The following CRACD variants were observed in gnomAD, a reference collection of about 807,000 sequenced individuals.
CRACD encodes capping protein-inhibiting regulator of actin dynamics.
A neutral mutation model predicts 106.8 loss-of-function variants in CRACD; 56 were observed. The observed-to-expected ratio is 0.52, with a 90% confidence interval of 0.42 to 0.66. CRACD has a LOEUF of 0.66. Among genes scored for constraint, CRACD ranks in the 30% least tolerant of loss-of-function variants. CRACD has a pLI of 0.00. For synonymous variants in CRACD, 754 were observed against 670.8 expected (o/e 1.12, Z -1.92); for missense variants, 1,730 against 1,623.2 (o/e 1.07, Z -1.13).
At chr4:56,203,359 T>C (rs1737971434) in intron 2 of CRACD, among the ~76,000 whole-genome samples, 1 of 152,180 alleles carries the variant, frequency 6.6e-6, no homozygotes, top group Non-Finnish European at 1.5e-5. Flanking sequence ...CACAATATAC[T>C]CATACTTGTA....
intron 2 of CRACD, among the ~76,000 whole-genome samples, chr4:56,183,910 C>T (rs1003239242): frequency 1.3e-5 from 2 of 152,090 alleles, no homozygotes; most frequent in African/African-American, 4.8e-5. Context: ...TTTCAAGGTC[C>T]TTTTTTTAAC....
intron 3 of CRACD, among the ~76,000 whole-genome samples, chr4:56,281,838 C>G (rs1183552514): frequency 6.6e-6 from 1 of 152,160 alleles, no homozygotes; most frequent in Non-Finnish European, 1.5e-5. Flanking sequence ...ACTGAGCTTA[C>G]AGACCGGAGT....
chr4:56,236,559 G>T (rs914543708), intron 2 of CRACD, among the ~76,000 whole-genome samples: 1 of 152,130 alleles, frequency 6.6e-6, no homozygotes, highest in African/African-American at 2.4e-5. Flanking sequence ...ACTCACACAG[G>T]TGGGCCACTG....
intron 3 of CRACD, among the ~76,000 whole-genome samples, chr4:56,285,077 A>G (rs1211808799): frequency 6.6e-6 from 1 of 152,180 alleles, no homozygotes; most frequent in Non-Finnish European, 1.5e-5. Context: ...GGAAGGTGAA[A>G]GGGAAGCAAG....
intron 1 of CRACD, among the ~76,000 whole-genome samples, chr4:56,156,994 C>T (rs1560466582): frequency 6.6e-6 from 1 of 152,018 alleles, no homozygotes; most frequent in Non-Finnish European, 1.5e-5. Flanking sequence ...AAATAATGGG[C>T]ACTTAATAAA....
intron 3 of CRACD, among the ~76,000 whole-genome samples, chr4:56,297,080 C>T (rs947867484): frequency 1.1e-4 from 16 of 152,032 alleles, no homozygotes; most frequent in African/African-American, 1.9e-4. Flanking sequence ...CCATCATGCC[C>T]GGCTAATTTT....
intron 2 of CRACD, among the ~76,000 whole-genome samples, chr4:56,235,219 A>T (rs551256857): frequency 1.2e-4 from 19 of 152,370 alleles, no homozygotes; most frequent in Admixed American, 4.6e-4. Flanking sequence ...ATAAAGCAAT[A>T]TATCTTGGGG....
chr4:56,161,125 A>G (rs73152959), intron 1 of CRACD, among the ~76,000 whole-genome samples: 267 of 152,348 alleles, frequency 1.8e-3, no homozygotes, highest in African/African-American at 6.1e-3. Flanking sequence ...ATTCTTGGTA[A>G]TGGTAATAAC....
At chr4:56,319,536 C>T (rs970301040) in intron 8 of CRACD, among the ~76,000 whole-genome samples, 3 of 151,030 alleles carry the variant, frequency 2.0e-5, no homozygotes, top group East Asian at 2.0e-4. Flanking sequence ...CCTAGTAGGT[C>T]GAGGCTACAG....
chr4:56,285,525 A>C (rs1002796460), intron 3 of CRACD, among the ~76,000 whole-genome samples: 2 of 152,020 alleles, frequency 1.3e-5, no homozygotes, highest in Non-Finnish European at 2.9e-5. Flanking sequence ...CTGCAGCCTC[A>C]AACTCCTGAA....
intron 4 of CRACD, among the ~76,000 whole-genome samples, chr4:56,304,361 A>T (rs1744554079): frequency 7.3e-6 from 1 of 137,796 alleles, no homozygotes. Context: ...GTTTGTAGAT[A>T]TAATAGTCAT....
intron 1 of CRACD, 52 bp from the exon 2 acceptor site, chr4:56,179,232 A>G (rs1316973116): frequency 1.3e-5 from 2 of 152,020 alleles, no homozygotes; most frequent in Non-Finnish European, 2.9e-5. Context: ...AAGGCTCCCC[A>G]AGAGAGGATT....
chr4:56,314,911 A>C lies in CRACD; in HGVS notation c.1409A>C (p.Asp470Ala). ...AGAGAGCAGCAGGGAAGGAGCGGGG[A>C]TTTCCAGGGGGCCGATCGTCCTGGG... ...RRREQQGRSG[D>A]FQGADRPGPE... The change falls in exon 8 of 11, where the codon GAT becomes GCT. Residue 470 changes from aspartate (D) to alanine (A), a missense_variant. Asp to Ala is a moderately radical substitution (Grantham distance 126, BLOSUM62 -2). Transcript: ENST00000682029. The surrounding 1 kb of genome is among the most constrained non-coding windows in gnomAD (Gnocchi z 4.4). 1 of 1,607,780 alleles carries C rather than the reference A, an allele frequency of 6.2e-7. No individual in the cohort carries two copies. Among genetic ancestry groups the C allele is most frequent in the Non-Finnish European group, 8.5e-7 (1 of 1,178,052 alleles).
intron 2 of CRACD, among the ~76,000 whole-genome samples, chr4:56,248,522 CTTAT>C (rs1352524171): frequency 2.0e-5 from 3 of 151,320 alleles, no homozygotes; most frequent in East Asian, 1.9e-4. Flanking sequence ...TGCACATTTT[CTTAT>C]TTATTTATGA....
intron 1 of CRACD, among the ~76,000 whole-genome samples, chr4:56,071,367 ATTC>A (rs1245961603): frequency 6.6e-6 from 1 of 152,140 alleles, no homozygotes; most frequent in Non-Finnish European, 1.5e-5. Flanking sequence ...ATGGATGATT[ATTC>A]TTCTTGTTTT....
chr4:56,077,251 C>G (rs572469582), intron 1 of CRACD, among the ~76,000 whole-genome samples: 1 of 152,280 alleles, frequency 6.6e-6, no homozygotes, highest in East Asian at 1.9e-4. Context: ...AGAATTAATG[C>G]CAGCAGGGGA....
intron 1 of CRACD, among the ~76,000 whole-genome samples, chr4:56,128,244 AT>A (rs771957241): frequency 6.6e-6 from 1 of 152,180 alleles, no homozygotes; most frequent in African/African-American, 2.4e-5. Flanking sequence ...AACTGCCTAG[AT>A]GGAGAGAGTC....
At chr4:56,149,265 A>G (rs372349120) in intron 1 of CRACD, among the ~76,000 whole-genome samples, 3 of 152,176 alleles carry the variant, frequency 2.0e-5, no homozygotes, top group East Asian at 1.9e-4. Context: ...CAGTGCTGCC[A>G]ATTGATCTCA....
chr4:56,061,064 C>T (rs925519013), intron 1 of CRACD, among the ~76,000 whole-genome samples: 7 of 152,206 alleles, frequency 4.6e-5, no homozygotes, highest in Admixed American at 3.3e-4. Flanking sequence ...GCTGTCAGAG[C>T]AGGGAGCAGC....
Sources: gnomAD v4.1 joint callset for allele counts (sites outside exome capture counted in the v4.1 genomes callset) on GRCh38, gnomAD v4.1.1 for gene constraint, Gnocchi (gnomAD v3.1) non-coding constraint, MANE v1.5 for transcripts, NCBI Gene and HGNC (gene_info 2026-07-23, HGNC 2026-07-21) for gene names.